Variants in FAM171A1 observed in about 807,000 individuals in gnomAD.
FAM171A1 encodes protein FAM171A1.
In FAM171A1, 23 loss-of-function variants were observed where a neutral mutation model predicts 74.9. The observed-to-expected ratio is 0.31, with a 90% CI of 0.22 to 0.44. The LOEUF is 0.44. Ranked by LOEUF, FAM171A1 falls within the 20% of genes least tolerant of loss-of-function variation. The pLI, the probability that FAM171A1 is intolerant of heterozygous loss-of-function variation, is 1.00. For synonymous variants in FAM171A1, 527 were observed against 505.7 expected (o/e 1.04, Z -0.57); for missense variants, 1,162 against 1,159.2 (o/e 1.00, Z -0.03).
At chr10:15,304,977 G>A (rs933657754) in intron 1 of FAM171A1, among the ~76,000 whole-genome samples, 2 of 152,152 alleles carry the variant, frequency 1.3e-5, no homozygotes, top group Non-Finnish European at 1.5e-5. Context: ...CAAGTGATAC[G>A]CCTGCCTCAG....
At position 15,213,558 on chromosome 10, in the gene FAM171A1, G is replaced by C. The variant is rs140944227; in HGVS notation, c.2030C>G (p.Ala677Gly). The part of the protein sequence containing the change: ...LSIPASLNDA[A>G]LAQMNSEVQL... ...CACCTCACTGTTCATCTGAGCCAAAGCCGCGTCGTTCAGGGAAGCTGGGAT... is the reference window on the plus strand; with the variant it reads ...CACCTCACTGTTCATCTGAGCCAAACCCGCGTCGTTCAGGGAAGCTGGGAT... The change falls in exon 8 of 8, where the codon GCT becomes GGT. Residue 677 changes from alanine (A) to glycine (G), a missense_variant. Coordinates refer to ENST00000378116, the MANE Select transcript of FAM171A1 (RefSeq NM_001010924.2). The surrounding 1 kb of genome is among the most constrained non-coding windows in gnomAD (Gnocchi z 6.8). 6 of 1,614,016 alleles carry C rather than the reference G, an allele frequency of 3.7e-6. No individual in the cohort carries two copies. In the African/African-American group the frequency reaches 8.0e-5, roughly 22 times the overall value.
chr10:15,344,359 T>C (rs868079783), intron 1 of FAM171A1, among the ~76,000 whole-genome samples: 7 of 152,112 alleles, frequency 4.6e-5, no homozygotes, highest in African/African-American at 7.2e-5. Flanking sequence ...CTGGGCAACA[T>C]AGCAAGACTT....
intron 1 of FAM171A1, among the ~76,000 whole-genome samples, chr10:15,292,537 G>A (rs2131818838): frequency 6.6e-6 from 1 of 152,272 alleles, no homozygotes; most frequent in East Asian, 1.9e-4. Context: ...CTAGAGTGCA[G>A]TGGCACGATC....
intron 1 of FAM171A1, among the ~76,000 whole-genome samples, chr10:15,322,620 A>G (rs1277793328): frequency 6.6e-6 from 1 of 152,208 alleles, no homozygotes; most frequent in Non-Finnish European, 1.5e-5. Flanking sequence ...TCATGTTTCA[A>G]GCCGACAGCC....
At chr10:15,287,747 T>C (rs1347310858) in intron 1 of FAM171A1, among the ~76,000 whole-genome samples, 1 of 152,192 alleles carries the variant, frequency 6.6e-6, no homozygotes, top group East Asian at 1.9e-4. Context: ...ATACTATTCC[T>C]CTTATAAATT....
intron 1 of FAM171A1, among the ~76,000 whole-genome samples, chr10:15,289,764 A>G (rs1835081034): frequency 6.6e-6 from 1 of 152,212 alleles, no homozygotes; most frequent in Non-Finnish European, 1.5e-5. Flanking sequence ...CTGCTTTTGT[A>G]TACAGTCCAT....
chr10:15,348,302 C>CT (rs960266922), intron 1 of FAM171A1, among the ~76,000 whole-genome samples: 18 of 150,432 alleles, frequency 1.2e-4, no homozygotes, highest in Non-Finnish European at 1.8e-4. Context: ...TCTAGGTAGC[C>CT]TTTTTTTTGG....
intron 1 of FAM171A1, among the ~76,000 whole-genome samples, chr10:15,324,314 C>T (rs1305176685): frequency 2.0e-5 from 3 of 152,172 alleles, no homozygotes; most frequent in Non-Finnish European, 4.4e-5. Flanking sequence ...GCAGGGTTTG[C>T]TTGGGGTAGA....
intron 3 of FAM171A1, among the ~76,000 whole-genome samples, chr10:15,267,019 C>G (rs955024713): frequency 6.6e-6 from 1 of 152,162 alleles, no homozygotes; most frequent in East Asian, 1.9e-4. Context: ...GTAGACCCAA[C>G]GGGCAGTTTA....
At chr10:15,297,043 C>T (rs553117955) in intron 1 of FAM171A1, among the ~76,000 whole-genome samples, 3 of 151,668 alleles carry the variant, frequency 2.0e-5, no homozygotes, top group Non-Finnish European at 2.9e-5. Flanking sequence ...CTCTGAAGGG[C>T]GTGTATTAGA....
chr10:15,249,466 A>G (rs1834481006), intron 4 of FAM171A1, among the ~76,000 whole-genome samples: 1 of 152,220 alleles, frequency 6.6e-6, no homozygotes, highest in Non-Finnish European at 1.5e-5. Context: ...GGATTTTTCT[A>G]TAATGTGAGA....
At chr10:15,244,905 C>G (rs1036456077) in intron 5 of FAM171A1, among the ~76,000 whole-genome samples, 1 of 152,164 alleles carries the variant, frequency 6.6e-6, no homozygotes, top group African/African-American at 2.4e-5. Context: ...GTGAAAGTGA[C>G]AAGCTGTCAT....
At chr10:15,227,785 A>G (rs1834127815) in intron 5 of FAM171A1, among the ~76,000 whole-genome samples, 1 of 152,268 alleles carries the variant, frequency 6.6e-6, no homozygotes, top group African/African-American at 2.4e-5. Context: ...TTTGAAAATG[A>G]GTAATGCATC....
In FAM171A1 at chr10:15,302,910, C is replaced by T. The variant is rs150669159; in HGVS notation, c.98-18805G>A. On this transcript the variant is annotated intron_variant, in intron 1 of 7. Transcript: ENST00000378116. ...AACCTTAAAATGTCTTGATTAAGGC[C>T]GGGCGCGGTGGCTCACACCTATAAT... 5.3e-5 allele frequency among the ~76,000 whole-genome samples: 8 copies of T among 152,204 alleles called. No homozygotes were observed. In the East Asian group the frequency reaches 5.8e-4, roughly 11 times the overall value.
intron 1 of FAM171A1, among the ~76,000 whole-genome samples, chr10:15,359,534 C>T (rs954190225): frequency 1.3e-5 from 2 of 152,112 alleles, no homozygotes; most frequent in African/African-American, 2.4e-5. Flanking sequence ...GATCCATCCT[C>T]GACATTTTAG....
At chr10:15,278,398 G>A (rs548142392) in intron 2 of FAM171A1, among the ~76,000 whole-genome samples, 14 of 152,134 alleles carry the variant, frequency 9.2e-5, no homozygotes, top group Admixed American at 2.0e-4. Flanking sequence ...CCACTCCTAC[G>A]TATAAACCCA....
intron 1 of FAM171A1, among the ~76,000 whole-genome samples, chr10:15,364,058 G>A (rs1292496581): frequency 6.6e-6 from 1 of 152,028 alleles, no homozygotes; most frequent in East Asian, 1.9e-4. Context: ...GGAGGGTGGG[G>A]GGGCGGTCCC....
At chr10:15,368,654 C>T (rs1836095459) in intron 1 of FAM171A1, among the ~76,000 whole-genome samples, 1 of 152,192 alleles carries the variant, frequency 6.6e-6, no homozygotes, top group African/African-American at 2.4e-5. Context: ...CTTACCTACT[C>T]AGCACCATCT....
intron 1 of FAM171A1, among the ~76,000 whole-genome samples, chr10:15,310,711 A>C (rs1835349981): frequency 6.6e-6 from 1 of 152,130 alleles, no homozygotes; most frequent in African/African-American, 2.4e-5. Context: ...AATACAAAAA[A>C]ATTAGCCAGG....
Sources: allele counts gnomAD v4.1 joint callset (sites outside exome capture counted in the v4.1 genomes callset), GRCh38; gene constraint gnomAD v4.1.1; non-coding constraint Gnocchi (gnomAD v3.1); transcripts MANE v1.5; gene names NCBI Gene and HGNC (gene_info 2026-07-23, HGNC 2026-07-21).